COL27A1: variants seen among roughly 807,000 people sequenced by gnomAD.
COL27A1 encodes the protein collagen alpha-1(XXVII) chain.
In COL27A1, 106 loss-of-function variants were observed where a neutral mutation model predicts 251.3. That is an observed-to-expected ratio of 0.42 (90% CI 0.36 to 0.50). The LOEUF is 0.50. Ranked by LOEUF, COL27A1 falls within the 20% of genes least tolerant of loss-of-function variation. The probability of loss-of-function intolerance (pLI) is 0.00; values close to 1 mark genes in which losing one functional copy is unlikely to be tolerated. For synonymous variants in COL27A1, 1,000 were observed against 986.3 expected, an observed-to-expected ratio of 1.01 and a Z score of -0.26; for missense variants, 2,325 against 2,522.8, an observed-to-expected ratio of 0.92 and a Z score of 1.68.
At chr9:114,278,404 G>GGTGATAGTGGGGGTGGGA (rs1564562492) in intron 37 of COL27A1, among the ~76,000 whole-genome samples, 2 of 130,530 alleles carry the variant, frequency 1.5e-5, no homozygotes, top group Admixed American at 7.8e-5. Context: ...TGGTGGCGAT[G>GGTGATAGTGGGGGTGGGA]GTGGTGGTGA....
At chr9:114,275,390 G>A (rs1835430880) in intron 36 of COL27A1, among the ~76,000 whole-genome samples, 1 of 152,202 alleles carries the variant, frequency 6.6e-6, no homozygotes, top group African/African-American at 2.4e-5. Context: ...GCTTATCTCT[G>A]AGTCACTCTG....
At chr9:114,264,259 G>A in intron 28 of COL27A1, 96 bp from the exon 29 acceptor site, 7 of 945,398 alleles carry the variant, frequency 7.4e-6, no homozygotes, top group Non-Finnish European at 1.1e-5. Flanking sequence ...CTTGTGCAGG[G>A]GAAGGCCCCA....
chr9:114,301,859 G>C (rs1313164091), intron 55 of COL27A1, 142 bp downstream of exon 55: 4 of 935,114 alleles, frequency 4.3e-6, no homozygotes, highest in African/African-American at 1.7e-5. Flanking sequence ...AGAGTATAGG[G>C]CATCCCCCGA....
chr9:114,196,058 G>A (rs1180153253), intron 7 of COL27A1, 46 bp downstream of exon 7: 1 of 1,548,952 alleles, frequency 6.5e-7, no homozygotes, highest in Non-Finnish European at 8.9e-7. Context: ...GGGCCTCCTA[G>A]CAAGCCAGGT....
chr9:114,267,795 G>T (rs560945362), intron 34 of COL27A1, among the ~76,000 whole-genome samples: 4 of 152,308 alleles, frequency 2.6e-5, no homozygotes, highest in Admixed American at 6.5e-5. Context: ...TGCTGGGGTG[G>T]CTGTACCTCC....
chr9:114,172,945 C>A (rs1849424044), intron 3 of COL27A1, among the ~76,000 whole-genome samples: 1 of 152,204 alleles, frequency 6.6e-6, no homozygotes, highest in Admixed American at 6.5e-5. Flanking sequence ...GACTGTGGGA[C>A]CTTTCAGTGT....
intron 58 of COL27A1, chr9:114,307,438 A>G: frequency 3.8e-6 from 2 of 523,436 alleles, no homozygotes; most frequent in Non-Finnish European, 6.8e-6. Context: ...GTAGCAACAT[A>G]GGCAAGTACT....
intron 24 of COL27A1, among the ~76,000 whole-genome samples, chr9:114,249,654 C>T (rs1029095412): frequency 2.0e-5 from 3 of 152,146 alleles, no homozygotes; most frequent in Admixed American, 6.5e-5. Context: ...ACAGCTGGGC[C>T]GGCCTTATTG....
intron 26 of COL27A1, 65 bp from the exon 27 acceptor site, chr9:114,252,814 C>G: frequency 6.5e-7 from 1 of 1,541,642 alleles, no homozygotes; most frequent in Non-Finnish European, 9.0e-7. Context: ...CTGAGCCGAC[C>G]GAGGTGGGAC....
chr9:114,254,556 C>G (rs1201025441), intron 27 of COL27A1, among the ~76,000 whole-genome samples: 1 of 152,052 alleles, frequency 6.6e-6, no homozygotes, highest in East Asian at 1.9e-4. Context: ...GGTAGAGGGA[C>G]CAGCCCAGGC....
At chr9:114,158,948 G>A (rs1346243602) in intron 1 of COL27A1, among the ~76,000 whole-genome samples, 1 of 152,170 alleles carries the variant, frequency 6.6e-6, no homozygotes, top group Admixed American at 6.5e-5. Context: ...GCCCTCTCTG[G>A]GCCTCAGTTA....
At chr9:114,253,388 AAAAG>A (rs1404225686) in intron 27 of COL27A1, among the ~76,000 whole-genome samples, 5 of 49,148 alleles carry the variant, frequency 1.0e-4, no homozygotes, top group Non-Finnish European at 1.5e-4. Context: ...AAAGAAAGAA[AAAAG>A]AAAGAGGAAA....
At chr9:114,225,168 C>A (rs759969437) in intron 14 of COL27A1, among the ~76,000 whole-genome samples, 2 of 152,200 alleles carry the variant, frequency 1.3e-5, no homozygotes, top group African/African-American at 4.8e-5. Context: ...GAAACCCTTT[C>A]GGCAAATGGG....
chr9:114,303,242 C>CTTTTTT (rs71367759), intron 56 of COL27A1, among the ~76,000 whole-genome samples: 2 of 132,204 alleles, frequency 1.5e-5, no homozygotes, highest in African/African-American at 2.7e-5. Flanking sequence ...TTTTTCTTTT[C>CTTTTTT]TTTTTTTTTT....
intron 5 of COL27A1, among the ~76,000 whole-genome samples, chr9:114,188,732 G>T (rs921682981): frequency 6.6e-6 from 1 of 152,182 alleles, no homozygotes; most frequent in Admixed American, 6.5e-5. Flanking sequence ...TTGCCTTCTA[G>T]AAAGGTTAAA....
chr9:114,238,417 G>A (rs577401156), intron 19 of COL27A1, among the ~76,000 whole-genome samples: 35 of 152,286 alleles, frequency 2.3e-4, no homozygotes, highest in Non-Finnish European at 2.5e-4. Context: ...GTCCCTCTCA[G>A]GATCATTGGC....
At chr9:114,240,692 AC>A (rs1207177870) in intron 21 of COL27A1, among the ~76,000 whole-genome samples, 6 of 152,028 alleles carry the variant, frequency 3.9e-5, no homozygotes, top group Admixed American at 3.9e-4. Context: ...CCCTGCTGTC[AC>A]CTGGCAGGGT....
At chr9:114,301,788 C>A in intron 55 of COL27A1, 71 bp downstream of exon 55, 1 of 1,450,672 alleles carries the variant, frequency 6.9e-7, no homozygotes, top group Non-Finnish European at 9.6e-7. Context: ...AAGGCTTCAC[C>A]GGCAGACTAA....
chr9:114,294,288 C>T (rs931080688), intron 49 of COL27A1, among the ~76,000 whole-genome samples: 2 of 146,278 alleles, frequency 1.4e-5, no homozygotes, highest in Non-Finnish European at 3.0e-5. Context: ...ACCAATTCTA[C>T]ATAACTTTTC....
Sources: gnomAD v4.1 joint callset for allele counts (sites outside exome capture counted in the v4.1 genomes callset) on GRCh38, gnomAD v4.1.1 for gene constraint, MANE v1.5 for transcripts, NCBI Gene and HGNC (gene_info 2026-07-23, HGNC 2026-07-21) for gene names.